Variants in LAMA2 observed in about 807,000 individuals in gnomAD.
LAMA2 encodes the protein laminin subunit alpha-2.
A neutral mutation model predicts 364.8 loss-of-function variants in LAMA2; 269 were observed. The ratio of observed to expected loss-of-function variants is 0.74; its 90% CI spans 0.67 to 0.82. The LOEUF (loss-of-function observed/expected upper bound fraction) is 0.82. LAMA2 is among the 40% of genes least tolerant of loss of function. The pLI is 0.00. For synonymous variants in LAMA2, 1,379 were observed against 1,370.6 expected (o/e 1.01, Z -0.14); for missense variants, 3,807 against 3,873.2 (o/e 0.98, Z 0.45).
chr6:128,905,671 A>C (rs34224033), intron 1 of LAMA2: 1 of 151,106 alleles, frequency 6.6e-6, no homozygotes, highest in Non-Finnish European at 1.5e-5. Context: ...TTTAGGGTAC[A>C]TGTGCACATT....
intron 12 of LAMA2, among the ~76,000 whole-genome samples, chr6:129,227,926 G>A (rs993581817): frequency 6.6e-6 from 1 of 152,202 alleles, no homozygotes; most frequent in African/African-American, 2.4e-5. Flanking sequence ...ACTCCCAGAG[G>A]TGGAGTCTAC....
At chr6:129,467,075 T>A (rs773959834) in intron 51 of LAMA2, among the ~76,000 whole-genome samples, 1 of 151,710 alleles carries the variant, frequency 6.6e-6, no homozygotes, top group Non-Finnish European at 1.5e-5. Context: ...AAGATGGATA[T>A]GCATTATAAA....
chr6:129,460,701 A>G (rs1422081720), intron 49 of LAMA2, among the ~76,000 whole-genome samples: 1 of 151,876 alleles, frequency 6.6e-6, no homozygotes, highest in Non-Finnish European at 1.5e-5. Flanking sequence ...GCTTTCCCCA[A>G]ACTGATTAAG....
rs892165554 is a variant in LAMA2 at position 129,220,256 on chromosome 6, A to G, written c.1782+27403A>G. ...ATACATGACTTAATATATTCCTTCA[A>G]AAAACATATAGTGAAATAATATTAA... On this transcript the variant is annotated intron_variant, in intron 12 of 64. Transcript: ENST00000421865. Among the ~76,000 whole-genome samples the G allele has an allele frequency of 3.9e-4, 59 of 152,222 alleles. 2 individuals carry two copies. The highest frequency in any genetic ancestry group is 3.3e-3 in the Admixed American group (51 of 15,284).
chr6:129,030,886 CA>C (rs1786173002), intron 1 of LAMA2, among the ~76,000 whole-genome samples: 1 of 152,034 alleles, frequency 6.6e-6, no homozygotes, highest in East Asian at 1.9e-4. Context: ...ATTAATAAAT[CA>C]TGGCTTCTGC....
chr6:129,481,370 C>T lies in LAMA2; in HGVS notation c.7680C>T (p.Ser2560=), dbSNP rs750957928. 1.9e-5 allele frequency: 30 copies of T among 1,613,668 alleles called. No homozygotes were observed. The highest frequency in any genetic ancestry group is 8.3e-5 in the Admixed American group (5 of 59,964). ...TGTCATTCAGCACCAAGAATGAGTC[C>T]GGCATCATTCTTTTGGGAAGTGGAG... ...INLSFSTKNE[S]GIILLGSGGT... is the part of the protein sequence containing the mutation. Residue 2560 remains serine, a synonymous_variant, in exon 55 of 65, where the codon TCC becomes TCT. Coordinates refer to ENST00000421865, the MANE Select transcript of LAMA2 (RefSeq NM_000426.4).
intron 41 of LAMA2, among the ~76,000 whole-genome samples, chr6:129,432,055 C>A (rs1781623051): frequency 6.6e-6 from 1 of 151,906 alleles, no homozygotes; most frequent in Admixed American, 6.6e-5. Context: ...TGCATATTAC[C>A]CTTTGCCTGA....
chr6:129,507,523 T>C lies in LAMA2; in HGVS notation c.8738T>C (p.Leu2913Pro), dbSNP rs1583928867. 6.2e-7 allele frequency: 1 copy of C among 1,614,198 alleles called. No homozygotes were observed. Among genetic ancestry groups the C allele is most frequent in the Non-Finnish European group, 8.5e-7 (1 of 1,180,000 alleles). Residue 2913 changes from leucine to proline, a missense_variant, in exon 62 of 65, where the codon CTC (leucine) becomes CCC (proline). Coordinates refer to ENST00000421865, the MANE Select transcript of LAMA2 (RefSeq NM_000426.4). Reference protein sequence around the residue: ...TYSIDGCVRNLHMAEAPADLE... With the variant: ...TYSIDGCVRNPHMAEAPADLE... ...AGCATTGATGGCTGCGTCAGGAATC[T>C]CCACATGGCAGAGGCCCCTGCCGAT... is the stretch of plus-strand genomic sequence containing the variant.
Position 129,298,264 on chromosome 6 carries a change from C to G in LAMA2, c.3037+399C>G, listed in dbSNP as rs1773330116. On this transcript the variant is annotated intron_variant, in intron 21 of 64. Transcript: ENST00000421865. ...CTTTTTCCTATTGCAAAATTGGTAT[C>G]CGGATCAAGAAAAGTCAAGGTGTTT... Among the ~76,000 whole-genome samples the G allele has an allele frequency of 4.9e-5, 7 of 143,356 alleles. 1 individual carries two copies. In the Admixed American group the frequency reaches 5.0e-4, roughly 10 times the overall value. 94.0% of individuals were successfully genotyped at this position (143,356 alleles called of 152,430 possible).
At chr6:129,065,789 G>A (rs915749536) in intron 3 of LAMA2, among the ~76,000 whole-genome samples, 2 of 152,148 alleles carry the variant, frequency 1.3e-5, no homozygotes, top group Non-Finnish European at 2.9e-5. Flanking sequence ...GAGGGACCTG[G>A]TGGGAGATGG....
intron 4 of LAMA2, among the ~76,000 whole-genome samples, chr6:129,110,338 T>C (rs1562247010): frequency 1.3e-5 from 2 of 152,040 alleles, no homozygotes; most frequent in Non-Finnish European, 2.9e-5. Flanking sequence ...ACTCATATTA[T>C]GACATCTATA....
At chr6:128,965,762 G>T (rs537464101) in intron 1 of LAMA2, among the ~76,000 whole-genome samples, 1 of 151,988 alleles carries the variant, frequency 6.6e-6, no homozygotes, top group South Asian at 2.1e-4. Flanking sequence ...ATTTTACAAT[G>T]TTTACAAGTG....
chr6:128,932,961 T>G (rs775780764), intron 1 of LAMA2, among the ~76,000 whole-genome samples: 1 of 152,166 alleles, frequency 6.6e-6, no homozygotes, highest in Non-Finnish European at 1.5e-5. Context: ...ATCTTATAAC[T>G]GAAACTGTGT....
At chr6:129,257,167 A>G (rs935937434) in intron 14 of LAMA2, among the ~76,000 whole-genome samples, 16 of 152,052 alleles carry the variant, frequency 1.1e-4, no homozygotes, top group Non-Finnish European at 2.9e-5. Flanking sequence ...ATGTATTTAA[A>G]TGAATGCAGC....
rs960017274 is a variant in LAMA2, at chr6:129,004,886, A to G, written c.113-45032A>G. 7.2e-5 allele frequency among the ~76,000 whole-genome samples: 11 copies of G among 152,100 alleles called. No individual in the cohort carries two copies. The East Asian group carries it at 1.5e-3, about 21-fold the overall frequency. ...TCATAAAACACTTTTCAGGATATATATATAGTTAGGGCTTGTTGACACTAT... is the reference window on the plus strand; with the variant it reads ...TCATAAAACACTTTTCAGGATATATGTATAGTTAGGGCTTGTTGACACTAT... On this transcript the variant is annotated intron_variant, in intron 1 of 64. Coordinates refer to ENST00000421865, the MANE Select transcript of LAMA2 (RefSeq NM_000426.4).
intron 1 of LAMA2, among the ~76,000 whole-genome samples, chr6:128,948,835 A>G (rs529445416): frequency 6.6e-6 from 1 of 152,260 alleles, no homozygotes; most frequent in Non-Finnish European, 1.5e-5. Flanking sequence ...ATCTTCTGCC[A>G]TGACTGGAAG....
chr6:129,206,106 G>GAGGA (rs71028149), intron 12 of LAMA2, among the ~76,000 whole-genome samples: 8,441 of 94,242 alleles, frequency 0.09, 524 homozygotes, highest in East Asian at 0.16. Context: ...GGGAGGGAGG[G>GAGGA]AGGAAGGAAG....
intron 29 of LAMA2, among the ~76,000 whole-genome samples, chr6:129,331,667 T>A (rs890028056): frequency 1.3e-5 from 2 of 152,000 alleles, no homozygotes; most frequent in African/African-American, 4.8e-5. Context: ...TTTTTTTCCA[T>A]CTTAAAAGCA....
intron 12 of LAMA2, among the ~76,000 whole-genome samples, chr6:129,248,528 CT>C (rs1345789075): frequency 6.6e-6 from 1 of 151,942 alleles, no homozygotes; most frequent in Non-Finnish European, 1.5e-5. Flanking sequence ...TGATATTTTT[CT>C]TTCCTTTTTA....
Sources: allele counts gnomAD v4.1 joint callset (sites outside exome capture counted in the v4.1 genomes callset), GRCh38; gene constraint gnomAD v4.1.1; transcripts MANE v1.5; gene names NCBI Gene and HGNC (gene_info 2026-07-23, HGNC 2026-07-21).